The following SYNPO2 variants were observed in gnomAD, a reference collection of about 807,000 sequenced individuals.
SYNPO2 encodes synaptopodin-2.
Under a neutral mutation model 85.0 loss-of-function variants are expected in SYNPO2, and 56 were observed. That is an observed-to-expected ratio of 0.66 (90% CI 0.53 to 0.82). SYNPO2 has a LOEUF of 0.82. SYNPO2 is among the 40% of genes least tolerant of loss of function. SYNPO2 has a pLI of 0.00. For synonymous variants in SYNPO2, 602 were observed against 591.1 expected (o/e 1.02, Z -0.27); for missense variants, 1,575 against 1,534.2 (o/e 1.03, Z -0.44).
intron 1 of SYNPO2, among the ~76,000 whole-genome samples, chr4:118,880,970 AG>A (rs1229141261): frequency 6.6e-6 from 1 of 152,016 alleles, no homozygotes; most frequent in Non-Finnish European, 1.5e-5. Flanking sequence ...TGAGGTCTTT[AG>A]GGTGGGCCCT....
Position 119,030,749 on chromosome 4 carries a change from A to G in SYNPO2, c.1974A>G (p.Pro658=), listed in dbSNP as rs1738202314. ...PWPQPAPWSQ[P]AFYDSSERIA... ...CCCAGCCTGCCCCGTGGTCCCAGCC[A>G]GCCTTTTACGATTCGTCTGAGCGAA... The change falls in exon 4 of 5, where the codon CCA becomes CCG. Residue 658 remains proline (P), a synonymous_variant. Coordinates refer to ENST00000307142, the MANE Select transcript of SYNPO2 (RefSeq NM_133477.3). The G allele has an allele frequency of 1.2e-6, 2 of 1,614,044 alleles. No homozygotes were observed. The highest frequency in any genetic ancestry group is 1.7e-6 in the Non-Finnish European group (2 of 1,180,034).
intron 1 of SYNPO2, among the ~76,000 whole-genome samples, chr4:118,937,959 T>C (rs1734164912): frequency 6.6e-6 from 1 of 152,204 alleles, no homozygotes; most frequent in Non-Finnish European, 1.5e-5. Context: ...TATTACCCAA[T>C]GCAGTGTAAA....
intron 1 of SYNPO2, among the ~76,000 whole-genome samples, chr4:118,878,739 CACCAATCAGCACTCTGTAAAATGA>C (rs1458542534): frequency 2.0e-5 from 3 of 152,118 alleles, no homozygotes; most frequent in Non-Finnish European, 2.9e-5. Context: ...TGTAAAAACG[CACCAATCAGCACTCTGTAAAATGA>C]ACCAATCAGC....
intron 1 of SYNPO2, among the ~76,000 whole-genome samples, chr4:118,891,032 G>A (rs529239217): frequency 1.3e-4 from 20 of 152,050 alleles, no homozygotes; most frequent in Non-Finnish European, 2.2e-4. Context: ...ACCTCTTTGC[G>A]GCGATTCACT....
intron 1 of SYNPO2, among the ~76,000 whole-genome samples, chr4:118,930,045 A>T (rs1333813656): frequency 1.3e-5 from 2 of 152,150 alleles, no homozygotes; most frequent in East Asian, 3.9e-4. Context: ...GAATTTGCAG[A>T]TAATCTGCTG....
chr4:118,933,724 A>T (rs1166236207), intron 1 of SYNPO2, among the ~76,000 whole-genome samples: 1 of 152,114 alleles, frequency 6.6e-6, no homozygotes, highest in African/African-American at 2.4e-5. Flanking sequence ...CCAAAACCTT[A>T]ATCAAATCAA....
In SYNPO2 at chr4:119,037,222, G is replaced by C. The variant is rs900394857; in HGVS notation, c.3252+5195G>C. On this transcript the variant is annotated intron_variant, in intron 4 of 4. Transcript: ENST00000307142. ...AATACTCAAAATAACAACATTCAAA[G>C]GAAACACAAAGAAATCCTGCTTTCA... 2.0e-6 allele frequency: 3 copies of C among 1,514,840 alleles called. No individual in the cohort carries two copies. In the African/African-American group the frequency reaches 4.2e-5, roughly 21 times the overall value. 93.8% of individuals were successfully genotyped at this position (1,514,840 alleles called of 1,614,324 possible). A position where few individuals can be genotyped will look rare whatever the true frequency, so the allele number is the denominator to read the frequency against.
At chr4:118,955,858 C>T (rs1003390193) in intron 1 of SYNPO2, among the ~76,000 whole-genome samples, 8 of 151,850 alleles carry the variant, frequency 5.3e-5, no homozygotes, top group Non-Finnish European at 1.0e-4. Context: ...GTCTGGCAAC[C>T]GAGTGCAAGA....
chr4:119,034,190 G>C (rs989736805), intron 4 of SYNPO2: 2 of 985,272 alleles, frequency 2.0e-6, no homozygotes, highest in Middle Eastern at 5.2e-4. Flanking sequence ...ACCAAAAAAG[G>C]CTTCTTATGG....
At chr4:118,958,740 C>T (rs1734967238) in intron 1 of SYNPO2, among the ~76,000 whole-genome samples, 1 of 152,116 alleles carries the variant, frequency 6.6e-6, no homozygotes, top group Admixed American at 6.5e-5. Context: ...CTGCTTTGGT[C>T]GTCATGTTTC....
Position 119,034,839 on chromosome 4 carries a change from G to A in SYNPO2, c.3252+2812G>A, listed in dbSNP as rs563119036. On this transcript the variant is annotated intron_variant, in intron 4 of 4. Transcript: ENST00000307142. Reference sequence around the variant, plus strand: ...GACAGAAGGGAGAGTTAGACCTCCAGACGTCAGCCTCCCTCCCATGGGGTA... The same window carrying A: ...GACAGAAGGGAGAGTTAGACCTCCAAACGTCAGCCTCCCTCCCATGGGGTA... The A allele has an allele frequency of 8.1e-6, 8 of 985,526 alleles. No homozygotes were observed. The African/African-American group carries it at 8.7e-5, about 11-fold the overall frequency. 61.0% of individuals were successfully genotyped at this position (985,526 alleles called of 1,614,324 possible).
intron 1 of SYNPO2, among the ~76,000 whole-genome samples, chr4:118,959,040 C>A (rs984289591): frequency 6.6e-6 from 1 of 152,170 alleles, no homozygotes; most frequent in African/African-American, 2.4e-5. Flanking sequence ...ATTTTAGGAT[C>A]TGTTTATTCA....
chr4:118,879,593 C>G (rs184094707), intron 1 of SYNPO2, among the ~76,000 whole-genome samples: 3 of 152,326 alleles, frequency 2.0e-5, no homozygotes, highest in Admixed American at 1.3e-4. Context: ...TCTTAGACTT[C>G]CCAGCTGCCA....
chr4:119,046,170 C>T (rs1450934397), intron 4 of SYNPO2, among the ~76,000 whole-genome samples: 1 of 152,150 alleles, frequency 6.6e-6, no homozygotes, highest in Non-Finnish European at 1.5e-5. Flanking sequence ...GTAGCTAGTA[C>T]ATAGTAAAAG....
chr4:119,016,038 G>C (rs530142632), intron 1 of SYNPO2, among the ~76,000 whole-genome samples: 56 of 152,288 alleles, frequency 3.7e-4, no homozygotes, highest in African/African-American at 1.3e-3. Flanking sequence ...ATAGACTGAG[G>C]ATAGGATCCA....
intron 1 of SYNPO2, among the ~76,000 whole-genome samples, chr4:118,921,152 C>A (rs999896144): frequency 2.0e-5 from 3 of 152,106 alleles, no homozygotes; most frequent in African/African-American, 7.2e-5. Flanking sequence ...ACAGATCCTC[C>A]CACCTTGGGC....
chr4:118,938,847 A>G (rs1316311652), intron 1 of SYNPO2, among the ~76,000 whole-genome samples: 1 of 152,218 alleles, frequency 6.6e-6, no homozygotes, highest in Non-Finnish European at 1.5e-5. Flanking sequence ...TCATACACAG[A>G]GCACTCTGTT....
At chr4:118,963,987 C>T (rs1353324702) in intron 1 of SYNPO2, among the ~76,000 whole-genome samples, 1 of 152,162 alleles carries the variant, frequency 6.6e-6, no homozygotes, top group Non-Finnish European at 1.5e-5. Context: ...ATGCATGGCT[C>T]TCACTGAGAT....
intron 1 of SYNPO2, among the ~76,000 whole-genome samples, chr4:118,989,578 G>A (rs1415789382): frequency 1.3e-5 from 2 of 152,210 alleles, no homozygotes; most frequent in Non-Finnish European, 2.9e-5. Flanking sequence ...GTCAGTGCTA[G>A]CAGTGACTTC....
Sources: allele counts gnomAD v4.1 joint callset (sites outside exome capture counted in the v4.1 genomes callset), GRCh38; gene constraint gnomAD v4.1.1; transcripts MANE v1.5; gene names NCBI Gene and HGNC (gene_info 2026-07-23, HGNC 2026-07-21).